The following PAPPA variants were observed in gnomAD, a reference collection of about 807,000 sequenced individuals.
PAPPA encodes the protein pappalysin-1.
In PAPPA, 60 loss-of-function variants were observed where a neutral mutation model predicts 164.0. That is an observed-to-expected ratio of 0.37 (90% confidence interval 0.30 to 0.45). PAPPA has a LOEUF of 0.45. Among genes scored for constraint, PAPPA ranks in the 20% least tolerant of loss-of-function variants. The pLI is 1.00. For synonymous variants in PAPPA, 875 were observed against 814.1 expected (o/e 1.07, Z -1.27); for missense variants, 1,782 against 2,087.3 (o/e 0.85, Z 2.85).
intron 21 of PAPPA, among the ~76,000 whole-genome samples, chr9:116,385,574 C>T (rs1464093629): frequency 6.6e-6 from 1 of 152,234 alleles, no homozygotes; most frequent in African/African-American, 2.4e-5. Flanking sequence ...AAGATAAGCA[C>T]AGACTCTTCA....
chr9:116,401,412 G>A lies in PAPPA; in HGVS notation c.*4796G>A, dbSNP rs1159282321. The A allele has an allele frequency of 6.6e-6, 1 of 152,342 alleles. No individual in the cohort carries two copies. Among genetic ancestry groups the A allele is most frequent in the Non-Finnish European group, 1.5e-5 (1 of 67,970 alleles). 9.4% of individuals were successfully genotyped at this position (152,342 alleles called of 1,614,324 possible). A position where few individuals can be genotyped will look rare whatever the true frequency, so the allele number is the denominator to read the frequency against. ...AGGCATTCTGAGTGCAAACAAATGG[G>A]GGCTTCTTAAACTACACACCAGCAG... On this transcript the variant is annotated 3_prime_UTR_variant, in exon 22 of 22. Coordinates refer to ENST00000328252, the MANE Select transcript of PAPPA (RefSeq NM_002581.5).
chr9:116,370,555 T>A (rs955046629), intron 19 of PAPPA, among the ~76,000 whole-genome samples: 4 of 152,190 alleles, frequency 2.6e-5, no homozygotes, highest in African/African-American at 7.2e-5. Context: ...ATTTCCCAAT[T>A]TCTGTGATAT....
intron 17 of PAPPA, among the ~76,000 whole-genome samples, chr9:116,357,138 T>C (rs1350441050): frequency 6.6e-6 from 1 of 152,208 alleles, no homozygotes; most frequent in Non-Finnish European, 1.5e-5. Flanking sequence ...CTTTCTGCCA[T>C]GATAAAAATA....
In PAPPA at chr9:116,210,804, G is replaced by A. The variant is rs117755407; in HGVS notation, c.1625-835G>A. On this transcript the variant is annotated intron_variant, in intron 3 of 21. Transcript: ENST00000328252. Reference sequence around the variant, plus strand: ...CTTCTGTAGGTCTGGGGTGAGGCCCGAGATTCTGCATTTCTACTAAGCTCT... The same window carrying A: ...CTTCTGTAGGTCTGGGGTGAGGCCCAAGATTCTGCATTTCTACTAAGCTCT... Among the ~76,000 whole-genome samples, 1,144 of 152,238 alleles carry A rather than the reference G, an allele frequency of 7.5e-3. 34 individuals are homozygous for A. In the East Asian group the frequency reaches 0.11, roughly 14 times the overall value.
At chr9:116,264,625 G>A (rs776493364) in intron 7 of PAPPA, among the ~76,000 whole-genome samples, 11 of 152,074 alleles carry the variant, frequency 7.2e-5, no homozygotes, top group Non-Finnish European at 1.3e-4. Flanking sequence ...AATAACAGAC[G>A]GGCAGGAGAA....
intron 10 of PAPPA, among the ~76,000 whole-genome samples, chr9:116,307,322 G>A (rs541583834): frequency 9.9e-5 from 15 of 152,238 alleles, no homozygotes; most frequent in African/African-American, 3.6e-4. Context: ...AAACCAGGCC[G>A]GGCACGGTGG....
chr9:116,171,628 A>G (rs1008911750), intron 1 of PAPPA, among the ~76,000 whole-genome samples: 1 of 152,168 alleles, frequency 6.6e-6, no homozygotes, highest in Admixed American at 6.5e-5. Flanking sequence ...TATACTTGGA[A>G]TCCCTGTGAA....
At chr9:116,199,891 A>T (rs1221986979) in intron 2 of PAPPA, among the ~76,000 whole-genome samples, 1 of 151,928 alleles carries the variant, frequency 6.6e-6, no homozygotes, top group African/African-American at 2.4e-5. Context: ...AGCAAGAGAG[A>T]GAGTGGGGAG....
In PAPPA at chr9:116,398,563, A is replaced by C. The variant is rs890684776; in HGVS notation, c.*1947A>C. The C allele has an allele frequency of 4.7e-6, 6 of 1,283,882 alleles. No homozygotes were observed. Among genetic ancestry groups the C allele is most frequent in the Non-Finnish European group, 6.1e-6 (6 of 984,056 alleles). 79.5% of individuals were successfully genotyped at this position (1,283,882 alleles called of 1,614,324 possible). A position where few individuals can be genotyped will look rare whatever the true frequency, so the allele number is the denominator to read the frequency against. On this transcript the variant is annotated 3_prime_UTR_variant, in exon 22 of 22. Transcript: ENST00000328252. ...CCCAATAGCACTGACCTGGTGATCA[A>C]AAACACTTGAGAAGACATCTATTGG...
At chr9:116,231,080 T>TATATAC (rs1481080829) in intron 6 of PAPPA, among the ~76,000 whole-genome samples, 1 of 151,920 alleles carries the variant, frequency 6.6e-6, no homozygotes, top group Admixed American at 6.6e-5. Context: ...GCAGTGTATA[T>TATATAC]ATATATAGAT....
At chr9:116,195,743 A>G (rs947946393) in intron 2 of PAPPA, among the ~76,000 whole-genome samples, 14 of 152,164 alleles carry the variant, frequency 9.2e-5, no homozygotes, top group African/African-American at 3.4e-4. Flanking sequence ...CTTATTGTGC[A>G]TATCCCGAAA....
At chr9:116,321,618 T>A (rs1282853860) in intron 10 of PAPPA, among the ~76,000 whole-genome samples, 1 of 152,166 alleles carries the variant, frequency 6.6e-6, no homozygotes, top group Non-Finnish European at 1.5e-5. Flanking sequence ...GTCCTGGTTC[T>A]CCTGGTCCCT....
Position 116,353,801 on chromosome 9 carries a change from T to TTA in PAPPA, c.4347+8_4347+9insTA. ...GACAGTGATGCCTCCCAGGTAAGCC[T>TTA]CCTGGAACTTGAGATTGATACCATG... On this transcript the variant is annotated intron_variant, in intron 17 of 21. Coordinates refer to ENST00000328252, the MANE Select transcript of PAPPA (RefSeq NM_002581.5). 6.2e-7 allele frequency: 1 copy of TTA among 1,606,570 alleles called. No homozygotes were observed. The highest frequency in any genetic ancestry group is 1.1e-5 in the South Asian group (1 of 90,344).
intron 4 of PAPPA, among the ~76,000 whole-genome samples, chr9:116,212,313 T>G (rs1844318192): frequency 6.6e-6 from 1 of 151,934 alleles, no homozygotes; most frequent in Admixed American, 6.5e-5. Context: ...TGAGATTGAG[T>G]ATGATTTTTT....
At chr9:116,216,765 G>A (rs893682625) in intron 4 of PAPPA, among the ~76,000 whole-genome samples, 6 of 151,844 alleles carry the variant, frequency 4.0e-5, no homozygotes, top group South Asian at 4.2e-4. Flanking sequence ...TTTTTGAGGC[G>A]GAGTCTTACT....
intron 10 of PAPPA, among the ~76,000 whole-genome samples, chr9:116,309,205 A>G (rs1845684985): frequency 1.3e-5 from 2 of 151,910 alleles, no homozygotes; most frequent in Non-Finnish European, 2.9e-5. Context: ...CCTCCCAAGT[A>G]GCTGGGATTA....
intron 19 of PAPPA, among the ~76,000 whole-genome samples, chr9:116,368,297 TG>T (rs766213685): frequency 6.6e-6 from 1 of 152,254 alleles, no homozygotes; most frequent in Non-Finnish European, 1.5e-5. Flanking sequence ...GCCACGTTCA[TG>T]TGTCCGGTGC....
chr9:116,359,800 T>C (rs1057155532), intron 17 of PAPPA, among the ~76,000 whole-genome samples: 1 of 152,196 alleles, frequency 6.6e-6, no homozygotes, highest in Non-Finnish European at 1.5e-5. Flanking sequence ...GATACATACA[T>C]AGCAAGAGAT....
At chr9:116,177,938 A>G (rs1395501300) in intron 1 of PAPPA, among the ~76,000 whole-genome samples, 4 of 151,838 alleles carry the variant, frequency 2.6e-5, no homozygotes, top group Admixed American at 6.6e-5. Context: ...CACCAATTTT[A>G]TATGCACTGA....
Sources: gnomAD v4.1 joint callset for allele counts (sites outside exome capture counted in the v4.1 genomes callset) on GRCh38, gnomAD v4.1.1 for gene constraint, MANE v1.5 for transcripts, NCBI Gene and HGNC (gene_info 2026-07-23, HGNC 2026-07-21) for gene names.